CFAP221: variants seen among roughly 807,000 people sequenced by gnomAD.
The protein encoded by CFAP221 is cilia and flagella associated protein 221, also known as cilia- and flagella-associated protein 221.
CFAP221 carries 97 observed loss-of-function variants against 113.1 expected under a neutral mutation model. The ratio of observed to expected loss-of-function variants is 0.86; its 90% CI spans 0.73 to 1.02. The LOEUF (loss-of-function observed/expected upper bound fraction) is 1.02, where lower values mean the gene tolerates loss of function less well. Among genes scored for constraint, CFAP221 ranks in the 50% least tolerant of loss-of-function variants. The pLI is 0.00. For missense variants in CFAP221, 1,025 were observed against 1,013.4 expected, an observed-to-expected ratio of 1.01 and a Z score of -0.16; for synonymous variants, 331 against 354.4, an observed-to-expected ratio of 0.93 and a Z score of 0.74.
intron 21 of CFAP221, among the ~76,000 whole-genome samples, chr2:119,642,194 T>A (rs1023746163): frequency 2.0e-5 from 3 of 152,208 alleles, no homozygotes; most frequent in African/African-American, 7.2e-5. Flanking sequence ...GCATAACAGC[T>A]CATAAAATCA....
At chr2:119,651,691 G>A (rs912182818) in intron 22 of CFAP221, among the ~76,000 whole-genome samples, 1 of 152,146 alleles carries the variant, frequency 6.6e-6, no homozygotes, top group African/African-American at 2.4e-5. Context: ...TTTGGTAAAT[G>A]TTCCATGTGC....
At chr2:119,614,988 A>G (rs1685428001) in intron 13 of CFAP221, among the ~76,000 whole-genome samples, 2 of 152,186 alleles carry the variant, frequency 1.3e-5, no homozygotes, top group South Asian at 2.1e-4. Context: ...TTCTGTCTGT[A>G]TAACTGATCT....
At chr2:119,547,653 A>G (rs946123021) in intron 2 of CFAP221, among the ~76,000 whole-genome samples, 2 of 152,220 alleles carry the variant, frequency 1.3e-5, no homozygotes, top group Non-Finnish European at 2.9e-5. Flanking sequence ...TGACCAAATA[A>G]TAACCTACAG....
At chr2:119,550,221 C>G (rs929405389) in intron 3 of CFAP221, among the ~76,000 whole-genome samples, 1 of 152,132 alleles carries the variant, frequency 6.6e-6, no homozygotes, top group African/African-American at 2.4e-5. Context: ...TGTACGCATT[C>G]TTAGAAGCCG....
chr2:119,555,865 G>T (rs1199191339), intron 3 of CFAP221, among the ~76,000 whole-genome samples: 1 of 152,168 alleles, frequency 6.6e-6, no homozygotes, highest in Non-Finnish European at 1.5e-5. Context: ...AAAGAACATG[G>T]ATGATTATGG....
chr2:119,609,264 G>C (rs573832220), intron 12 of CFAP221, among the ~76,000 whole-genome samples: 1 of 152,288 alleles, frequency 6.6e-6, no homozygotes, highest in African/African-American at 2.4e-5. Flanking sequence ...GAGGAGACAG[G>C]AGTCTGCTGG....
intron 13 of CFAP221, among the ~76,000 whole-genome samples, chr2:119,612,233 T>G (rs1013990072): frequency 4.6e-5 from 7 of 152,244 alleles, no homozygotes; most frequent in Non-Finnish European, 1.0e-4. Context: ...TCCACCTGAT[T>G]ATCTCTGTCT....
At chr2:119,595,234 C>T (rs1027577785) in intron 7 of CFAP221, among the ~76,000 whole-genome samples, 1 of 152,232 alleles carries the variant, frequency 6.6e-6, no homozygotes, top group African/African-American at 2.4e-5. Context: ...CAGACTCCTA[C>T]ATTTTGTCAC....
rs989763048 is a variant in CFAP221, at chr2:119,570,241, G to A, written c.527+8127G>A. Reference sequence around the variant, plus strand: ...TCTTAGTTGTCCCTCACCTGCTTAGGTGAGACAGAATGGCTAGTGGGCTGG... The same window carrying A: ...TCTTAGTTGTCCCTCACCTGCTTAGATGAGACAGAATGGCTAGTGGGCTGG... On this transcript the variant is annotated intron_variant, in intron 6 of 23. Transcript: ENST00000413369. 2.6e-5 allele frequency among the ~76,000 whole-genome samples: 4 copies of A among 152,284 alleles called. No individual in the cohort carries two copies. In the East Asian group the frequency reaches 7.7e-4, roughly 29 times the overall value.
chr2:119,652,475 A>G (rs1688186468), intron 23 of CFAP221, among the ~76,000 whole-genome samples: 1 of 152,218 alleles, frequency 6.6e-6, no homozygotes. Context: ...CATCTGTAGC[A>G]TGCAGAAAAT....
At chr2:119,595,883 T>C (rs971524785) in intron 7 of CFAP221, among the ~76,000 whole-genome samples, 5 of 149,774 alleles carry the variant, frequency 3.3e-5, no homozygotes, top group African/African-American at 1.2e-4. Flanking sequence ...GGGAAGAGGG[T>C]TTCAAGCAGA....
intron 6 of CFAP221, among the ~76,000 whole-genome samples, chr2:119,579,587 T>A (rs1317307337): frequency 6.6e-6 from 1 of 152,218 alleles, no homozygotes; most frequent in Non-Finnish European, 1.5e-5. Flanking sequence ...CTGAAAACTG[T>A]ACTACTTGCA....
intron 6 of CFAP221, among the ~76,000 whole-genome samples, chr2:119,585,217 A>G (rs1683126630): frequency 1.3e-5 from 2 of 152,222 alleles, no homozygotes; most frequent in Non-Finnish European, 2.9e-5. Flanking sequence ...AACATACTAT[A>G]TATTTTATAC....
At position 119,560,011 on chromosome 2, in the gene CFAP221, C is replaced by G; in HGVS notation, c.411C>G (p.Ile137Met). 6.5e-7 allele frequency: 1 copy of G among 1,529,012 alleles called. No individual in the cohort carries two copies. Among genetic ancestry groups the G allele is most frequent in the Non-Finnish European group, 8.8e-7 (1 of 1,141,164 alleles). The allele number at this position is 1,529,012 out of a possible 1,614,324, so 94.7% of individuals were successfully genotyped here. Reference sequence around the variant, plus strand: ...AGTGGCGATACTATTATGACTGCATCCGTGTTCACTGTAAGGTAGGTCTCT... The same window carrying G: ...AGTGGCGATACTATTATGACTGCATGCGTGTTCACTGTAAGGTAGGTCTCT... ...PDEWRYYYDCIRVHCKGDDTL... is the reference protein window; with the variant it reads ...PDEWRYYYDCMRVHCKGDDTL... The change falls in exon 5 of 24, where the codon ATC becomes ATG. Residue 137 changes from isoleucine to methionine, a missense_variant. By Grantham distance (10) the Ile-to-Met change is conservative (BLOSUM62 1). Transcript: ENST00000413369.
chr2:119,651,441 GA>G (rs1688121102), intron 22 of CFAP221, among the ~76,000 whole-genome samples: 2 of 150,180 alleles, frequency 1.3e-5, no homozygotes, highest in Admixed American at 1.3e-4. Context: ...AGTCCCTAGA[GA>G]AAAAGTTTAC....
chr2:119,631,384 A>G (rs1407246587), intron 19 of CFAP221, among the ~76,000 whole-genome samples: 3 of 152,244 alleles, frequency 2.0e-5, no homozygotes, highest in South Asian at 2.1e-4. Context: ...TTGAAAATCA[A>G]TGAAATAGGC....
At chr2:119,658,982 G>T (rs1445036848), downstream of CFAP221, among the ~76,000 whole-genome samples, 2 of 134,464 alleles carry the variant, frequency 1.5e-5, no homozygotes, top group African/African-American at 5.7e-5. Flanking sequence ...CAGAATGAGA[G>T]CCTGTCTCAA....
intron 11 of CFAP221, among the ~76,000 whole-genome samples, chr2:119,608,205 G>C (rs1000074899): frequency 6.6e-6 from 1 of 152,162 alleles, no homozygotes; most frequent in African/African-American, 2.4e-5. Context: ...AGCCATCCCA[G>C]TGGGTGTAAA....
At chr2:119,617,705 C>T (rs2104720493) in intron 14 of CFAP221, among the ~76,000 whole-genome samples, 1 of 152,350 alleles carries the variant, frequency 6.6e-6, no homozygotes, top group Admixed American at 6.5e-5. Flanking sequence ...ACCATGGCCA[C>T]AGGTTCCCCT....
Sources: gnomAD v4.1 joint callset for allele counts (sites outside exome capture counted in the v4.1 genomes callset) on GRCh38, gnomAD v4.1.1 for gene constraint, MANE v1.5 for transcripts, NCBI Gene and HGNC (gene_info 2026-07-23, HGNC 2026-07-21) for gene names.